The following MGA variants were observed in gnomAD, a reference collection of about 807,000 sequenced individuals.
MGA encodes the protein MAX gene-associated protein.
MGA carries 40 observed loss-of-function variants against 261.1 expected under a neutral mutation model. The observed-to-expected ratio is 0.15, with a 90% confidence interval of 0.12 to 0.20. MGA has a LOEUF of 0.20. MGA is among the 10% of genes least tolerant of loss of function. The pLI is 1.00. For missense variants in MGA, 3,397 were observed against 3,630.5 expected (o/e 0.94, Z 1.65); for synonymous variants, 1,302 against 1,290.6 (o/e 1.01, Z -0.19).
At position 41,669,651 on chromosome 15, in the gene MGA, C is replaced by A; in HGVS notation, c.757C>A (p.Pro253Thr). The stretch of plus-strand genomic sequence containing the variant: ...TACTCAGCTGAAAATAGATTACAAT[C>A]CATTTGCCAAAGGCTTTCGGGATGA... Residue 253 changes from proline (P) to threonine (T), a missense_variant, in exon 2 of 24, where the codon CCA becomes ACA. By Grantham distance (38) the Pro-to-Thr change is conservative (BLOSUM62 -1). Transcript: ENST00000219905. 1 of 1,613,818 alleles carries A rather than the reference C, an allele frequency of 6.2e-7. No homozygotes were observed.
chr15:41,708,020 CA>C (rs2151445509), intron 6 of MGA, 83 bp from the exon 7 acceptor site: 1 of 1,373,376 alleles, frequency 7.3e-7, no homozygotes, highest in East Asian at 2.5e-5. Flanking sequence ...ATACACTTAC[CA>C]AATTAAAGTT....
At chr15:41,641,348 G>C (rs754098112) in intron 1 of MGA, among the ~76,000 whole-genome samples, 2 of 151,982 alleles carry the variant, frequency 1.3e-5, no homozygotes, top group Non-Finnish European at 2.9e-5. Flanking sequence ...GGGTATGTAC[G>C]TAATAGTGGA....
chr15:41,762,460 GGTTTTTT>G (rs1273322926), intron 22 of MGA, 98 bp downstream of exon 22: 63 of 190,544 alleles, frequency 3.3e-4, no homozygotes, highest in African/African-American at 2.5e-3. Context: ...AGTTTTGTGT[GGTTTTTT>G]TTTTTTTTTT....
intron 18 of MGA, among the ~76,000 whole-genome samples, chr15:41,756,022 A>G (rs1168180566): frequency 3.3e-5 from 5 of 152,216 alleles, no homozygotes; most frequent in Admixed American, 3.3e-4. Context: ...ATCTCAAAAA[A>G]AAAAATTAAA....
intron 1 of MGA, among the ~76,000 whole-genome samples, chr15:41,624,794 C>A (rs984413764): frequency 1.3e-5 from 2 of 152,066 alleles, no homozygotes; most frequent in Non-Finnish European, 2.9e-5. Flanking sequence ...AAATATAAAA[C>A]GTGAAATCAG....
Position 41,762,340 on chromosome 15 carries a change from C to T in MGA, c.7722C>T (p.Ser2574=). The T allele has an allele frequency of 6.2e-7, 1 of 1,612,488 alleles. No individual in the cohort carries two copies. The highest frequency in any genetic ancestry group is 8.5e-7 in the Non-Finnish European group (1 of 1,179,526). The change falls in exon 22 of 24, where the codon TCC becomes TCT. Residue 2574 remains serine, a synonymous_variant. Transcript: ENST00000219905. Reference sequence around the variant, plus strand: ...GGAGGGGGAAACCTTTGATTCTTTCCAGAAAAAAAGACCAGGCCACAGGTA... The same window carrying T: ...GGAGGGGGAAACCTTTGATTCTTTCTAGAAAAAAAGACCAGGCCACAGGTA...
intron 15 of MGA, among the ~76,000 whole-genome samples, chr15:41,746,544 C>CAAAA (rs869061461): frequency 2.4e-4 from 15 of 61,816 alleles, no homozygotes; most frequent in African/African-American, 3.6e-4. Flanking sequence ...GACTTCGTCT[C>CAAAA]AAAAAAAAAA....
rs183162666 is a variant in MGA, at chr15:41,716,226, T to A, written c.3430+2730T>A. Among the ~76,000 whole-genome samples, 185 of 151,524 alleles carry A rather than the reference T, an allele frequency of 1.2e-3. 1 individual carries two copies. Among genetic ancestry groups the A allele is most frequent in the African/African-American group, 4.3e-3 (177 of 41,262 alleles). On this transcript the variant is annotated intron_variant, in intron 9 of 23. Transcript: ENST00000219905. ...ACTTTGGACGGCTGAGGCGGGCAGATCACGAGGTCAGGAGATCGAGACTGT... is the reference window on the plus strand; with the variant it reads ...ACTTTGGACGGCTGAGGCGGGCAGAACACGAGGTCAGGAGATCGAGACTGT...
chr15:41,635,935 T>C (rs1015115803), intron 1 of MGA, among the ~76,000 whole-genome samples: 3 of 152,134 alleles, frequency 2.0e-5, no homozygotes, highest in Non-Finnish European at 2.9e-5. Flanking sequence ...TATAAAAATA[T>C]AGCAGGTACA....
intron 13 of MGA, 108 bp from the exon 14 acceptor site, chr15:41,739,798 C>A: frequency 9.0e-7 from 1 of 1,112,108 alleles, no homozygotes; most frequent in East Asian, 2.9e-5. Context: ...CCTTTTAAAT[C>A]TGAAAAATAG....
At chr15:41,691,362 A>G (rs1279711442) in intron 2 of MGA, among the ~76,000 whole-genome samples, 2 of 151,968 alleles carry the variant, frequency 1.3e-5, no homozygotes, top group Non-Finnish European at 2.9e-5. Context: ...TAGAAAAACA[A>G]TTTGTGTGTG....
At chr15:41,632,514 G>A (rs561377676) in intron 1 of MGA, among the ~76,000 whole-genome samples, 13 of 152,254 alleles carry the variant, frequency 8.5e-5, no homozygotes, top group African/African-American at 2.2e-4. Context: ...TCCATTGGCC[G>A]TAAAGATCCA....
At chr15:41,715,861 T>G (rs1250090452) in intron 9 of MGA, among the ~76,000 whole-genome samples, 1 of 150,958 alleles carries the variant, frequency 6.6e-6, no homozygotes, top group Non-Finnish European at 1.5e-5. Flanking sequence ...TACCCATATC[T>G]CCTTACTGAG....
chr15:41,674,442 C>T (rs1001279992), intron 2 of MGA, among the ~76,000 whole-genome samples: 2 of 152,204 alleles, frequency 1.3e-5, no homozygotes, highest in Non-Finnish European at 2.9e-5. Flanking sequence ...AAGTGGCCTG[C>T]TCACCTCAGC....
chr15:41,633,765 T>C (rs940114567), intron 1 of MGA, among the ~76,000 whole-genome samples: 1 of 152,162 alleles, frequency 6.6e-6, no homozygotes, highest in Non-Finnish European at 1.5e-5. Flanking sequence ...AGCTGTCAGA[T>C]TGGAGATGCT....
intron 1 of MGA, among the ~76,000 whole-genome samples, chr15:41,648,849 T>G (rs550185220): frequency 6.6e-6 from 1 of 152,158 alleles, no homozygotes; most frequent in East Asian, 1.9e-4. Flanking sequence ...TGATTTATGT[T>G]TAGAAAGGGT....
rs1023027876 is a variant in MGA at position 41,767,131 on chromosome 15, A to G, written c.9049A>G (p.Ile3017Val). Reference sequence around the variant, plus strand: ...CAAGGTGATGCCTTGTTTGGCACCTATAGCTGCCAAAGTTGGGTCAGTTGG... The same window carrying G: ...CAAGGTGATGCCTTGTTTGGCACCTGTAGCTGCCAAAGTTGGGTCAGTTGG... The change falls in exon 24 of 24, where the codon ATA becomes GTA. Residue 3017 changes from isoleucine to valine, a missense_variant. Physicochemically the swap from Ile to Val is conservative, Grantham distance 29. Transcript: ENST00000219905. 3 of 1,613,850 alleles carry G rather than the reference A, an allele frequency of 1.9e-6. No homozygotes were observed. The highest frequency in any genetic ancestry group is 1.1e-5 in the South Asian group (1 of 91,084).
intron 3 of MGA, among the ~76,000 whole-genome samples, chr15:41,698,490 G>A (rs1219124324): frequency 6.6e-6 from 1 of 152,176 alleles, no homozygotes; most frequent in East Asian, 1.9e-4. Context: ...CTACACAGAT[G>A]TTGGATATTT....
chr15:41,760,245 A>G (rs2063377223), intron 19 of MGA, 78 bp from the exon 20 acceptor site: 1 of 1,361,920 alleles, frequency 7.3e-7, no homozygotes, highest in Non-Finnish European at 1.0e-6. Context: ...TGCCTGAAAT[A>G]GGGCAGTGTC....
Sources: allele counts gnomAD v4.1 joint callset (sites outside exome capture counted in the v4.1 genomes callset), GRCh38; gene constraint gnomAD v4.1.1; transcripts MANE v1.5; gene names NCBI Gene and HGNC (gene_info 2026-07-23, HGNC 2026-07-21).